Variants in BCAS3 observed in about 807,000 individuals in gnomAD.
The protein encoded by BCAS3 is BCAS3 microtubule associated cell migration factor.
Under a neutral mutation model 116.1 loss-of-function variants are expected in BCAS3, and 53 were observed. The ratio of observed to expected loss-of-function variants is 0.46; its 90% CI spans 0.37 to 0.57. BCAS3 has a LOEUF of 0.57. Ranked by LOEUF, BCAS3 falls within the 20% of genes least tolerant of loss-of-function variation. The probability of loss-of-function intolerance (pLI) is 0.00; values close to 1 mark genes in which losing one functional copy is unlikely to be tolerated. For missense variants in BCAS3, 917 were observed against 1,165.4 expected (o/e 0.79, Z 3.10); for synonymous variants, 391 against 408.2 (o/e 0.96, Z 0.51).
chr17:61,168,165 T>C (rs2078628962), intron 22 of BCAS3, among the ~76,000 whole-genome samples: 2 of 152,164 alleles, frequency 1.3e-5, no homozygotes, highest in Non-Finnish European at 2.9e-5. Context: ...TTCCCATCTG[T>C]CTCCTTCTGT....
intron 15 of BCAS3, among the ~76,000 whole-genome samples, chr17:61,009,577 T>C (rs2064968027): frequency 6.6e-6 from 1 of 152,098 alleles, no homozygotes; most frequent in South Asian, 2.1e-4. Context: ...CACAATATGG[T>C]AAGATATGGA....
At position 60,874,747 on chromosome 17, in the gene BCAS3, C is replaced by T; in HGVS notation, c.661+9C>T. 3 of 1,595,740 alleles carry T rather than the reference C, an allele frequency of 1.9e-6. No homozygotes were observed. The highest frequency in any genetic ancestry group is 2.6e-6 in the Non-Finnish European group (3 of 1,167,602). On this transcript the variant is annotated intron_variant, in intron 9 of 23. Coordinates refer to ENST00000407086, the MANE Select transcript of BCAS3 (RefSeq NM_017679.5). ...GAAATTCTTTGTTACAAGTATGTAC[C>T]AATTTTTTTTCCCTTCTTATGCCTT...
At position 61,151,820 on chromosome 17, in the gene BCAS3, T is replaced by G. The variant is rs1951154996; in HGVS notation, c.2425+67256T>G. Among the ~76,000 whole-genome samples the G allele has an allele frequency of 1.3e-5, 2 of 152,124 alleles. No individual in the cohort carries two copies. Among genetic ancestry groups the G allele is most frequent in the African/African-American group, 2.4e-5 (1 of 41,408 alleles). ...CTCTTGGCAAGGTCTCTGGATACAGTGTTGATGAGATAGACCACAGGCTTT... is the reference window on the plus strand; with the variant it reads ...CTCTTGGCAAGGTCTCTGGATACAGGGTTGATGAGATAGACCACAGGCTTT... On this transcript the variant is annotated intron_variant, in intron 22 of 23. Transcript: ENST00000407086. The surrounding 1 kb of genome is among the most constrained non-coding windows in gnomAD (Gnocchi z 4.8).
intron 22 of BCAS3, among the ~76,000 whole-genome samples, chr17:61,187,507 A>T (rs138034662): frequency 6.6e-6 from 1 of 152,370 alleles, no homozygotes; most frequent in Admixed American, 6.5e-5. Context: ...AGAGCTGAGA[A>T]TGACAGTTTT....
rs976240086 is a variant in BCAS3 at position 60,703,362 on chromosome 17, G to A, written c.215-5857G>A. On this transcript the variant is annotated intron_variant, in intron 4 of 23. Coordinates refer to ENST00000407086, the MANE Select transcript of BCAS3 (RefSeq NM_017679.5). ...CCAGCACTTTGGGAGACTGAGGCGG[G>A]CAGATCACTTGAGCTCAGGAGTTCA... 1.8e-4 allele frequency among the ~76,000 whole-genome samples: 28 copies of A among 151,796 alleles called. 1 individual carries two copies. The highest frequency in any genetic ancestry group is 6.5e-4 in the African/African-American group (27 of 41,294).
chr17:60,775,555 G>C (rs1253724972), intron 6 of BCAS3, among the ~76,000 whole-genome samples: 1 of 146,254 alleles, frequency 6.8e-6, no homozygotes, highest in Non-Finnish European at 1.5e-5. Context: ...GTATATATAG[G>C]TTTACCTTGG....
chr17:61,188,922 G>A lies in BCAS3; in HGVS notation c.2425+104358G>A, dbSNP rs1371146967. 2.0e-5 allele frequency among the ~76,000 whole-genome samples: 3 copies of A among 152,150 alleles called. No individual in the cohort carries two copies. The highest frequency in any genetic ancestry group is 4.8e-5 in the African/African-American group (2 of 41,436). On this transcript the variant is annotated intron_variant, in intron 22 of 23. Transcript: ENST00000407086. The surrounding 1 kb of genome is among the most constrained non-coding windows in gnomAD (Gnocchi z 4.0). Reference sequence around the variant, plus strand: ...GGTTGAGACCAGTCTGAGCAACATAGTGAGACCTCATCTCTATAAAACATC... The same window carrying A: ...GGTTGAGACCAGTCTGAGCAACATAATGAGACCTCATCTCTATAAAACATC...
Position 61,313,365 on chromosome 17 carries a change from C to T in BCAS3, c.2426-54962C>T, listed in dbSNP as rs2054479804. On this transcript the variant is annotated intron_variant, in intron 22 of 23. Transcript: ENST00000407086. This position sits in a 1 kb window ranked among gnomAD's most constrained non-coding sequence, Gnocchi z 4.3. ...CCTATAGGAAGCTTAATCTGCGGTTCTACTTAAAATATGAGGAAACATCTG... is the reference window on the plus strand; with the variant it reads ...CCTATAGGAAGCTTAATCTGCGGTTTTACTTAAAATATGAGGAAACATCTG... Among the ~76,000 whole-genome samples, 1 of 152,192 alleles carries T rather than the reference C, an allele frequency of 6.6e-6. No individual in the cohort carries two copies. The highest frequency in any genetic ancestry group is 2.4e-5 in the African/African-American group (1 of 41,448).
At chr17:61,040,309 T>C (rs1473468719) in intron 18 of BCAS3, among the ~76,000 whole-genome samples, 1 of 152,218 alleles carries the variant, frequency 6.6e-6, no homozygotes, top group Non-Finnish European at 1.5e-5. Context: ...TACACTATCA[T>C]TGTTGAAATA....
intron 6 of BCAS3, among the ~76,000 whole-genome samples, chr17:60,803,252 G>A (rs1242801091): frequency 2.6e-5 from 4 of 152,158 alleles, no homozygotes; most frequent in African/African-American, 9.7e-5. Flanking sequence ...TGCTGGGAAC[G>A]GGGAAGATGA....
In BCAS3 at chr17:61,368,427, C is replaced by T; in HGVS notation, c.2526C>T (p.Gly842=). The T allele has an allele frequency of 6.2e-7, 1 of 1,612,714 alleles. No homozygotes were observed. Among genetic ancestry groups the T allele is most frequent in the South Asian group, 1.1e-5 (1 of 91,044 alleles). The change falls in exon 23 of 24, where the codon GGC becomes GGT. Residue 842 remains glycine, a synonymous_variant. Coordinates refer to ENST00000407086, the MANE Select transcript of BCAS3 (RefSeq NM_017679.5). The surrounding 1 kb of genome is among the most constrained non-coding windows in gnomAD (Gnocchi z 6.0). ...CCTCCATGGAGCACACGGAGGAGGG[C>T]CTCCGGGAGCGACTTGCCGACGCCA... ...HMSSMEHTEE[G]LRERLADAMA... is the part of the protein sequence containing the mutation.
intron 22 of BCAS3, among the ~76,000 whole-genome samples, chr17:61,253,466 T>C (rs529231558): frequency 3.3e-5 from 5 of 152,166 alleles, no homozygotes; most frequent in East Asian, 3.9e-4. Context: ...AATAATGTTA[T>C]CTATTCCCAT....
rs1685259962 is a variant in BCAS3, at chr17:61,008,682, G to C, written c.1487-7069G>C. Among the ~76,000 whole-genome samples the C allele has an allele frequency of 6.7e-6, 1 of 150,368 alleles. No individual in the cohort carries two copies. The highest frequency in any genetic ancestry group is 2.1e-4 in the South Asian group (1 of 4,738). ...CTTTGCTCTTCTGTAGAAGACAAAAGTTTACCAAAAAATAAAAAATAAAAA... is the reference window on the plus strand; with the variant it reads ...CTTTGCTCTTCTGTAGAAGACAAAACTTTACCAAAAAATAAAAAATAAAAA... On this transcript the variant is annotated intron_variant, in intron 15 of 23. Transcript: ENST00000407086. The surrounding 1 kb of genome is among the most constrained non-coding windows in gnomAD (Gnocchi z 4.6).
chr17:60,780,528 G>A (rs1362261049), intron 6 of BCAS3, among the ~76,000 whole-genome samples: 1 of 151,436 alleles, frequency 6.6e-6, no homozygotes, highest in Non-Finnish European at 1.5e-5. Flanking sequence ...ATCTTGGACT[G>A]CTGACCTCAA....
intron 23 of BCAS3, among the ~76,000 whole-genome samples, chr17:61,371,666 A>G (rs2059050532): frequency 6.6e-6 from 1 of 152,222 alleles, no homozygotes; most frequent in Non-Finnish European, 1.5e-5. Flanking sequence ...ATTTCAAAAC[A>G]CCATGTTGTA....
chr17:60,991,389 G>T (rs2063515100), intron 15 of BCAS3, among the ~76,000 whole-genome samples: 1 of 152,170 alleles, frequency 6.6e-6, no homozygotes, highest in African/African-American at 2.4e-5. Context: ...GGGATAATAT[G>T]TATACTAATT....
chr17:60,772,832 C>G (rs933969263), intron 6 of BCAS3, among the ~76,000 whole-genome samples: 1 of 152,000 alleles, frequency 6.6e-6, no homozygotes, highest in African/African-American at 2.4e-5. Flanking sequence ...GAGATCGCGC[C>G]ACTGCACTCC....
intron 22 of BCAS3, among the ~76,000 whole-genome samples, chr17:61,094,981 T>C (rs2143620404): frequency 6.6e-6 from 1 of 152,378 alleles, no homozygotes; most frequent in South Asian, 2.1e-4. Context: ...TACAAAATCA[T>C]GCAAGAGTAA....
chr17:61,353,565 C>T (rs531065646), intron 22 of BCAS3: 9 of 152,482 alleles, frequency 5.9e-5, no homozygotes, highest in South Asian at 2.1e-4. Flanking sequence ...GAATAGTAAT[C>T]GTTGCCTTGT....
Sources: gnomAD v4.1 joint callset for allele counts (sites outside exome capture counted in the v4.1 genomes callset) on GRCh38, gnomAD v4.1.1 for gene constraint, Gnocchi (gnomAD v3.1) non-coding constraint, MANE v1.5 for transcripts, NCBI Gene and HGNC (gene_info 2026-07-23, HGNC 2026-07-21) for gene names.